The following MED12L variants were observed in gnomAD, a reference collection of about 807,000 sequenced individuals.
MED12L encodes mediator of RNA polymerase II transcription subunit 12-like protein.
MED12L carries 60 observed loss-of-function variants against 281.3 expected under a neutral mutation model. That is an observed-to-expected ratio of 0.21 (90% CI 0.17 to 0.26). MED12L has a LOEUF of 0.26. Ranked by LOEUF, MED12L falls within the 10% of genes least tolerant of loss-of-function variation. The pLI is 1.00. For missense variants in MED12L, 2,146 were observed against 2,680.9 expected, an observed-to-expected ratio of 0.80 and a Z score of 4.41; for synonymous variants, 974 against 987.2, an observed-to-expected ratio of 0.99 and a Z score of 0.25.
At position 151,434,334 on chromosome 3, in the gene MED12L, C is replaced by T. The variant is rs976986755; in HGVS notation, c.*1530C>T. ...GAGTTACTCATTGCAAAGTTTGACTCATGCAAATGACCTCAAATACATGTC... is the reference window on the plus strand; with the variant it reads ...GAGTTACTCATTGCAAAGTTTGACTTATGCAAATGACCTCAAATACATGTC... On this transcript the variant is annotated 3_prime_UTR_variant, in exon 45 of 45. Transcript: ENST00000687756. 3.9e-5 allele frequency: 6 copies of T among 152,112 alleles called. No homozygotes were observed. The highest frequency in any genetic ancestry group is 2.1e-4 in the South Asian group (1 of 4,832). The allele number at this position is 152,112 out of a possible 1,614,324, so 9.4% of individuals were successfully genotyped here. A position where few individuals can be genotyped will look rare whatever the true frequency, so the allele number is the denominator to read the frequency against.
rs73159942 is a variant in MED12L at position 151,435,062 on chromosome 3, C to G, written c.*2258C>G. 1 of 119,082 alleles carries G rather than the reference C, an allele frequency of 8.4e-6. No individual in the cohort carries two copies. Among genetic ancestry groups the G allele is most frequent in the Non-Finnish European group, 1.7e-5 (1 of 57,276 alleles). The allele number at this position is 119,082 out of a possible 1,614,324, so 7.4% of individuals were successfully genotyped here. On this transcript the variant is annotated 3_prime_UTR_variant, in exon 45 of 45. Transcript: ENST00000687756. ...GTTAATTCTGTATCTTGAGAGGTTTCTTTTTTTTTTTTTTTTTTTTCTTTT... is the reference window on the plus strand; with the variant it reads ...GTTAATTCTGTATCTTGAGAGGTTTGTTTTTTTTTTTTTTTTTTTTCTTTT...
At chr3:151,271,738 C>T (rs563873223) in intron 16 of MED12L, among the ~76,000 whole-genome samples, 1 of 152,188 alleles carries the variant, frequency 6.6e-6, no homozygotes, top group East Asian at 1.9e-4. Flanking sequence ...AGTTAAATCT[C>T]AAAACATGTT....
At chr3:151,090,737 G>T (rs1719915841) in intron 2 of MED12L, among the ~76,000 whole-genome samples, 1 of 152,110 alleles carries the variant, frequency 6.6e-6, no homozygotes, top group African/African-American at 2.4e-5. Flanking sequence ...GTTTACTCTG[G>T]GACAAAAGAG....
At chr3:151,191,572 A>C (rs1041113022) in intron 14 of MED12L, among the ~76,000 whole-genome samples, 1 of 152,206 alleles carries the variant, frequency 6.6e-6, no homozygotes, top group East Asian at 1.9e-4. Context: ...GGTGATAGGA[A>C]GTTATAGAAA....
intron 16 of MED12L, among the ~76,000 whole-genome samples, chr3:151,320,772 G>A (rs1748902665): frequency 6.6e-6 from 1 of 152,124 alleles, no homozygotes; most frequent in African/African-American, 2.4e-5. Flanking sequence ...CTATCTCCTT[G>A]CTTTGTAAAT....
intron 5 of MED12L, among the ~76,000 whole-genome samples, chr3:151,141,178 G>GTTTGTT (rs1553808456): frequency 1.1e-4 from 11 of 102,188 alleles, no homozygotes; most frequent in African/African-American, 4.7e-4. Flanking sequence ...TTTTTTTTTT[G>GTTTGTT]TTTTTTTTGT....
chr3:151,243,049 G>A (rs1734548578), intron 16 of MED12L, among the ~76,000 whole-genome samples: 2 of 151,396 alleles, frequency 1.3e-5, no homozygotes, highest in African/African-American at 4.9e-5. Flanking sequence ...AATGAAGCGA[G>A]AAGGGAAGTT....
chr3:151,384,048 C>T (rs769321014), intron 34 of MED12L, 35 bp from the exon 35 acceptor site: 7 of 1,591,330 alleles, frequency 4.4e-6, no homozygotes, highest in Non-Finnish European at 6.0e-6. Context: ...ATTTCAGTTT[C>T]ACTTTAAGAT....
intron 2 of MED12L, among the ~76,000 whole-genome samples, chr3:151,104,531 G>A (rs1364519038): frequency 6.6e-6 from 1 of 152,150 alleles, no homozygotes; most frequent in Non-Finnish European, 1.5e-5. Flanking sequence ...GGCCATTGTA[G>A]ACTCTGCAGT....
At position 151,413,169 on chromosome 3, in the gene MED12L, T is replaced by G; in HGVS notation, c.6171T>G (p.Pro2057=). 1 of 1,614,120 alleles carries G rather than the reference T, an allele frequency of 6.2e-7. No homozygotes were observed. Among genetic ancestry groups the G allele is most frequent in the Non-Finnish European group, 8.5e-7 (1 of 1,179,962 alleles). Residue 2057 remains proline, a synonymous_variant, in exon 42 of 45, where the codon CCT becomes CCG. Coordinates refer to ENST00000687756, the MANE Select transcript of MED12L (RefSeq NM_001393769.1). ...RLNHQALQQS[P]LVGGGIDAVL... is the part of the protein sequence containing the mutation. ...ACCATCAGGCTCTACAGCAGAGCCC[T>G]CTGGTGGGCGGGGGAATTGATGCTG...
chr3:151,243,817 C>T (rs1348142196), intron 16 of MED12L, among the ~76,000 whole-genome samples: 1 of 150,944 alleles, frequency 6.6e-6, no homozygotes, highest in African/African-American at 2.5e-5. Context: ...ACGACACAGA[C>T]TGGCAAATTG....
chr3:151,238,469 T>C (rs1198443644), intron 16 of MED12L, among the ~76,000 whole-genome samples: 1 of 152,238 alleles, frequency 6.6e-6, no homozygotes, highest in Non-Finnish European at 1.5e-5. Context: ...TTTTAAAATG[T>C]GGTCTGCAGA....
chr3:151,283,312 A>G (rs965914002), intron 16 of MED12L, among the ~76,000 whole-genome samples: 5 of 152,258 alleles, frequency 3.3e-5, no homozygotes, highest in Non-Finnish European at 5.9e-5. Context: ...TTGGGTTTAA[A>G]TCTTGAAAAT....
intron 16 of MED12L, among the ~76,000 whole-genome samples, chr3:151,232,543 T>A (rs1453101187): frequency 6.6e-6 from 1 of 152,136 alleles, no homozygotes; most frequent in African/African-American, 2.4e-5. Context: ...AACTTAAATG[T>A]CCATCAGTGA....
At chr3:151,418,741 T>C (rs1043692006) in intron 43 of MED12L, among the ~76,000 whole-genome samples, 2 of 152,224 alleles carry the variant, frequency 1.3e-5, no homozygotes, top group Non-Finnish European at 2.9e-5. Context: ...TGAGAATAGT[T>C]TGATAAATCT....
chr3:151,096,138 T>A (rs964997310), intron 2 of MED12L, among the ~76,000 whole-genome samples: 1 of 152,192 alleles, frequency 6.6e-6, no homozygotes, highest in Non-Finnish European at 1.5e-5. Context: ...GCAACAAGCC[T>A]ATGGAGAAAA....
chr3:151,411,580 CATGGTACTTT>C, intron 41 of MED12L, 73 bp downstream of exon 41: 1 of 1,312,932 alleles, frequency 7.6e-7, no homozygotes, highest in Non-Finnish European at 1.1e-6. Flanking sequence ...TCTTATAGGG[CATGGTACTTT>C]ATCATTGTTT....
chr3:151,366,743 T>C (rs1392552320), intron 23 of MED12L, among the ~76,000 whole-genome samples: 2 of 152,222 alleles, frequency 1.3e-5, no homozygotes, highest in Non-Finnish European at 2.9e-5. Flanking sequence ...ATCCTATCTC[T>C]ATATCTTCAT....
At chr3:151,153,514 C>T (rs925061875) in intron 5 of MED12L, among the ~76,000 whole-genome samples, 26 of 151,748 alleles carry the variant, frequency 1.7e-4, no homozygotes, top group Admixed American at 9.2e-4. Context: ...GAACATTCCC[C>T]GCCCCTTCAT....
Sources: gnomAD v4.1 joint callset for allele counts (sites outside exome capture counted in the v4.1 genomes callset) on GRCh38, gnomAD v4.1.1 for gene constraint, MANE v1.5 for transcripts, NCBI Gene and HGNC (gene_info 2026-07-23, HGNC 2026-07-21) for gene names.